Variants in PTGER2 observed in about 807,000 individuals in gnomAD.
PTGER2 encodes prostaglandin E2 receptor EP2 subtype.
PTGER2 carries 22 observed loss-of-function variants against 26.2 expected under a neutral mutation model. The ratio of observed to expected loss-of-function variants is 0.84; its 90% CI spans 0.60 to 1.20. The LOEUF (loss-of-function observed/expected upper bound fraction) is 1.20. Ranked by LOEUF, PTGER2 falls within the 50% of genes most tolerant of loss-of-function variation. The pLI is 0.00. For missense variants in PTGER2, 458 were observed against 475.2 expected, an observed-to-expected ratio of 0.96 and a Z score of 0.34; for synonymous variants, 219 against 208.9, an observed-to-expected ratio of 1.05 and a Z score of -0.42.
rs1484077498 is a variant in PTGER2, at chr14:52,328,308, A to G, written c.*854A>G. ...CTGAAAAATCTGGTTCATTCTTCAG[A>G]TATACTGGAACCCTTTTAAAGTTGA... On this transcript the variant is annotated 3_prime_UTR_variant, in exon 2 of 2. Transcript: ENST00000245457. The G allele has an allele frequency of 6.5e-6, 1 of 152,674 alleles. No individual in the cohort carries two copies. Among genetic ancestry groups the G allele is most frequent in the South Asian group, 2.1e-4 (1 of 4,838 alleles). The allele number at this position is 152,674 out of a possible 1,614,324, so 9.5% of individuals were successfully genotyped here.
chr14:52,326,274 C>A (rs1044555530), intron 1 of PTGER2, among the ~76,000 whole-genome samples: 1 of 152,198 alleles, frequency 6.6e-6, no homozygotes, highest in Non-Finnish European at 1.5e-5. Context: ...GCACGTAGCA[C>A]ACAGTGAGCA....
chr14:52,321,821 C>T (rs2033898676), intron 1 of PTGER2, among the ~76,000 whole-genome samples: 1 of 152,210 alleles, frequency 6.6e-6, no homozygotes, highest in Admixed American at 6.5e-5. Context: ...ATGTTAGCTG[C>T]TATCTCTAGG....
At position 52,314,462 on chromosome 14, in the gene PTGER2, G is replaced by T. The variant is rs984263913; in HGVS notation, c.-87G>T. On this transcript the variant is annotated 5_prime_UTR_variant, in exon 1 of 2. Transcript: ENST00000245457. The surrounding 1 kb of genome is among the most constrained non-coding windows in gnomAD (Gnocchi z 5.7). ...TCGGTCCCTCCCCTTTTTCCTCTGAGTCTCGGAACGCTCCGGCTCTCAGAC... is the reference window on the plus strand; with the variant it reads ...TCGGTCCCTCCCCTTTTTCCTCTGATTCTCGGAACGCTCCGGCTCTCAGAC... 6.1e-6 allele frequency: 8 copies of T among 1,318,860 alleles called. No homozygotes were observed. The highest frequency in any genetic ancestry group is 7.8e-6 in the Non-Finnish European group (8 of 1,019,870). The allele number at this position is 1,318,860 out of a possible 1,614,324, so 81.7% of individuals were successfully genotyped here. A position where few individuals can be genotyped will look rare whatever the true frequency, so the allele number is the denominator to read the frequency against.
intron 1 of PTGER2, among the ~76,000 whole-genome samples, chr14:52,324,596 T>C (rs1252309337): frequency 3.3e-5 from 5 of 152,212 alleles, no homozygotes; most frequent in Non-Finnish European, 7.3e-5. Flanking sequence ...TGCAGAAAAG[T>C]GAAAATATAA....
intron 1 of PTGER2, among the ~76,000 whole-genome samples, chr14:52,324,335 T>C (rs2033927169): frequency 6.6e-6 from 1 of 152,176 alleles, no homozygotes; most frequent in Non-Finnish European, 1.5e-5. Context: ...AGTTTAGGAT[T>C]GGTTAGGTTG....
intron 1 of PTGER2, among the ~76,000 whole-genome samples, chr14:52,317,377 T>G (rs983570016): frequency 6.6e-6 from 1 of 152,262 alleles, no homozygotes; most frequent in African/African-American, 2.4e-5. Context: ...AAGGTAGTGG[T>G]TTCCAACAGG....
At chr14:52,320,567 A>G (rs1299534089) in intron 1 of PTGER2, among the ~76,000 whole-genome samples, 1 of 152,226 alleles carries the variant, frequency 6.6e-6, no homozygotes. Context: ...GGCAATGAAC[A>G]GGTCTCTTTC....
chr14:52,315,497 T>TA, intron 1 of PTGER2, 106 bp downstream of exon 1: 1 of 1,382,006 alleles, frequency 7.2e-7, no homozygotes, highest in Non-Finnish European at 9.8e-7. Context: ...TTGCAACTTG[T>TA]AAAAATATGT....
chr14:52,326,560 A>G (rs944552288), intron 1 of PTGER2, among the ~76,000 whole-genome samples: 3 of 152,202 alleles, frequency 2.0e-5, no homozygotes, highest in Admixed American at 6.5e-5. Flanking sequence ...ACAAAGGTTC[A>G]TTATTAATAT....
intron 1 of PTGER2, among the ~76,000 whole-genome samples, chr14:52,323,088 A>G (rs1235506379): frequency 6.6e-6 from 1 of 152,190 alleles, no homozygotes; most frequent in African/African-American, 2.4e-5. Flanking sequence ...TAAGAGTATT[A>G]TTTGGGAACG....
rs536133131 is a variant in PTGER2, at chr14:52,314,518, G to A, written c.-31G>A. 10 of 1,462,662 alleles carry A rather than the reference G, an allele frequency of 6.8e-6. No homozygotes were observed. Among genetic ancestry groups the A allele is most frequent in the African/African-American group, 2.8e-5 (2 of 70,272 alleles). 90.6% of individuals were successfully genotyped at this position (1,462,662 alleles called of 1,614,324 possible). A position where few individuals can be genotyped will look rare whatever the true frequency, so the allele number is the denominator to read the frequency against. On this transcript the variant is annotated 5_prime_UTR_variant, in exon 1 of 2. Transcript: ENST00000245457. The surrounding 1 kb of genome is among the most constrained non-coding windows in gnomAD (Gnocchi z 5.7). The stretch of plus-strand genomic sequence containing the variant: ...TCCTCCCAGGTAAAGGCCGGGAGAG[G>A]AGGGCGCATCTCTTTTCCAGGCACC...
intron 1 of PTGER2, among the ~76,000 whole-genome samples, chr14:52,321,720 A>G (rs1382977265): frequency 6.6e-6 from 1 of 152,252 alleles, no homozygotes; most frequent in Non-Finnish European, 1.5e-5. Flanking sequence ...CATAGGAATA[A>G]TAATACTTCG....
intron 1 of PTGER2, among the ~76,000 whole-genome samples, 189 bp downstream of exon 1, chr14:52,315,580 T>G (rs980495222): frequency 2.6e-5 from 4 of 152,122 alleles, no homozygotes; most frequent in Non-Finnish European, 5.9e-5. Flanking sequence ...TATCCTGGCT[T>G]ATGGGCGTTG....
rs1443570682 is a variant in PTGER2 at position 52,314,615 on chromosome 14, G to T, written c.67G>T (p.Glu23Ter). Residue 23 changes from glutamate (E) to a stop codon, truncating the protein, a stop_gained, in exon 1 of 2, where the codon GAA becomes TAA. Coordinates refer to ENST00000245457, the MANE Select transcript of PTGER2 (RefSeq NM_000956.4). LOFTEE classifies it high-confidence loss of function. The surrounding 1 kb of genome is among the most constrained non-coding windows in gnomAD (Gnocchi z 5.7). ...CETRQWLPPG[E>*]SPAISSVMFS... is the part of the protein sequence containing the mutation. ...GACGCGACAGTGGCTTCCCCCAGGC[G>T]AAAGCCCAGCCATCAGCTCCGTCAT... 6.6e-7 allele frequency: 1 copy of T among 1,510,196 alleles called. No homozygotes were observed. The highest frequency in any genetic ancestry group is 8.9e-7 in the Non-Finnish European group (1 of 1,128,882). The allele number at this position is 1,510,196 out of a possible 1,614,324, so 93.5% of individuals were successfully genotyped here. A position where few individuals can be genotyped will look rare whatever the true frequency, so the allele number is the denominator to read the frequency against.
At chr14:52,325,950 C>T (rs533692701) in intron 1 of PTGER2, among the ~76,000 whole-genome samples, 13 of 152,220 alleles carry the variant, frequency 8.5e-5, no homozygotes, top group Admixed American at 3.3e-4. Context: ...CTGCAGAAGG[C>T]GAGTGAAGAA....
At chr14:52,323,483 A>G (rs913980195) in intron 1 of PTGER2, among the ~76,000 whole-genome samples, 1 of 152,034 alleles carries the variant, frequency 6.6e-6, no homozygotes, top group African/African-American at 2.4e-5. Flanking sequence ...CAAACTTCTC[A>G]CCTCAGGTGA....
chr14:52,315,442 G>C lies in PTGER2; in HGVS notation c.843+51G>C, dbSNP rs774289151. Reference sequence around the variant, plus strand: ...GCCCGGCTCTGCTCAGCCTTCTCATGCTCTCCCCTGACGCCTCCACCCTTT... The same window carrying C: ...GCCCGGCTCTGCTCAGCCTTCTCATCCTCTCCCCTGACGCCTCCACCCTTT... On this transcript the variant is annotated intron_variant, in intron 1 of 1. Coordinates refer to ENST00000245457, the MANE Select transcript of PTGER2 (RefSeq NM_000956.4). 5.0e-6 allele frequency: 8 copies of C among 1,600,108 alleles called. No individual in the cohort carries two copies. In the South Asian group the frequency reaches 8.9e-5, roughly 18 times the overall value.
At position 52,314,370 on chromosome 14, in the gene PTGER2, G is replaced by A; in HGVS notation, c.-179G>A. Reference sequence around the variant, plus strand: ...GATGCAGCAGCCGAGCCGCCACTCGGCGCGCGGCGGGAGACCCAGGGCAAG... The same window carrying A: ...GATGCAGCAGCCGAGCCGCCACTCGACGCGCGGCGGGAGACCCAGGGCAAG... On this transcript the variant is annotated 5_prime_UTR_variant, in exon 1 of 2. Coordinates refer to ENST00000245457, the MANE Select transcript of PTGER2 (RefSeq NM_000956.4). The surrounding 1 kb of genome is among the most constrained non-coding windows in gnomAD (Gnocchi z 5.7). The A allele has an allele frequency of 3.0e-6, 2 of 670,870 alleles. No individual in the cohort carries two copies. Among genetic ancestry groups the A allele is most frequent in the Non-Finnish European group, 4.2e-6 (2 of 476,820 alleles). The allele number at this position is 670,870 out of a possible 1,614,324, so 41.6% of individuals were successfully genotyped here.
At position 52,314,744 on chromosome 14, in the gene PTGER2, T is replaced by C. The variant is rs199970087; in HGVS notation, c.196T>C (p.Leu66=). 6.2e-7 allele frequency: 1 copy of C among 1,600,100 alleles called. No homozygotes were observed. The highest frequency in any genetic ancestry group is 2.2e-5 in the East Asian group (1 of 44,514). The change falls in exon 1 of 2, where the codon TTG becomes CTG. Residue 66 remains leucine, a synonymous_variant. Coordinates refer to ENST00000245457, the MANE Select transcript of PTGER2 (RefSeq NM_000956.4). This position sits in a 1 kb window ranked among gnomAD's most constrained non-coding sequence, Gnocchi z 5.7. The stretch of plus-strand genomic sequence containing the variant: ...CGCCGGCCGCAGGAGCTCCCTCTCC[T>C]TGTTCCACGTGCTGGTGACCGAGCT... ...CSAGRRSSLS[L]FHVLVTELVF...
Sources: gnomAD v4.1 joint callset for allele counts (sites outside exome capture counted in the v4.1 genomes callset) on GRCh38, gnomAD v4.1.1 for gene constraint, Gnocchi (gnomAD v3.1) non-coding constraint, MANE v1.5 for transcripts, NCBI Gene and HGNC (gene_info 2026-07-23, HGNC 2026-07-21) for gene names.